Variants in IFNAR1 observed in about 807,000 individuals in gnomAD.
The protein encoded by IFNAR1 is interferon alpha/beta receptor 1.
In IFNAR1, 47 loss-of-function variants were observed where a neutral mutation model predicts 62.1. That is an observed-to-expected ratio of 0.76 (90% CI 0.60 to 0.97). The LOEUF (loss-of-function observed/expected upper bound fraction) is 0.97. IFNAR1 is among the 50% of genes least tolerant of loss of function. The pLI is 0.00. For synonymous variants in IFNAR1, 219 were observed against 226.9 expected (o/e 0.97, Z 0.31); for missense variants, 638 against 654.5 (o/e 0.97, Z 0.27).
chr21:33,347,409 C>T (rs1168284826), intron 6 of IFNAR1, among the ~76,000 whole-genome samples: 2 of 152,110 alleles, frequency 1.3e-5, no homozygotes, highest in Non-Finnish European at 2.9e-5. Flanking sequence ...GGATTATAGG[C>T]GTGAGGCACC....
Position 33,348,917 on chromosome 21 carries a change from T to C in IFNAR1, c.789-174T>C, listed in dbSNP as rs534149903. 2.2e-4 allele frequency among the ~76,000 whole-genome samples: 33 copies of C among 152,316 alleles called. 1 individual carries two copies. In the East Asian group the frequency reaches 6.2e-3, roughly 28 times the overall value. On this transcript the variant is annotated intron_variant, in intron 6 of 10. Transcript: ENST00000270139. ...CCAGCAGAGCACAACATGACCACAG[T>C]CTGGAACAGTCTTTGGTTTTCTTTT...
rs775455586 is a variant in IFNAR1, at chr21:33,341,148, T to C, written c.350T>C (p.Val117Ala). 1.2e-6 allele frequency: 2 copies of C among 1,612,088 alleles called. No individual in the cohort carries two copies. Among genetic ancestry groups the C allele is most frequent in the Non-Finnish European group, 1.7e-6 (2 of 1,179,152 alleles). ...GAAAACACTTCTTCATGGTATGAGG[T>C]TGACTCATTTACACCATTTCGCAAA... ...EKENTSSWYE[V>A]DSFTPFRKAQ... Residue 117 changes from valine (V) to alanine (A), a missense_variant, in exon 3 of 11, where the codon GTT (valine) becomes GCT (alanine). Physicochemically the swap from Val to Ala is moderately conservative, Grantham distance 64. Transcript: ENST00000270139.
intron 2 of IFNAR1, among the ~76,000 whole-genome samples, chr21:33,337,794 A>G (rs2083257445): frequency 6.6e-6 from 1 of 152,160 alleles, no homozygotes; most frequent in South Asian, 2.1e-4. Flanking sequence ...GTATATGTAT[A>G]TACACACACA....
At position 33,325,024 on chromosome 21, in the gene IFNAR1, A is replaced by G. The variant is rs766459162; in HGVS notation, c.-32A>G. 3 of 1,568,916 alleles carry G rather than the reference A, an allele frequency of 1.9e-6. No individual in the cohort carries two copies. Among genetic ancestry groups the G allele is most frequent in the South Asian group, 1.2e-5 (1 of 85,848 alleles). ...TGAGAGGAGCTGCGCGTGCGCGAAC[A>G]TGTAACTGGTGGGATCTGCGGCGGC... On this transcript the variant is annotated 5_prime_UTR_variant, in exon 1 of 11. The change abolishes an upstream ATG in the 5' untranslated region. Transcript: ENST00000270139.
chr21:33,354,079 A>G (rs2083425786), intron 10 of IFNAR1, among the ~76,000 whole-genome samples: 1 of 152,218 alleles, frequency 6.6e-6, no homozygotes, highest in South Asian at 2.1e-4. Flanking sequence ...GTGGTGGCTC[A>G]CGCCTGTAAT....
rs1448194251 is a variant in IFNAR1, at chr21:33,358,143, AGTGAACAAGC to A, written c.*2596_*2605del. ...CGCTTTAAGACCATCTGTGGTTTTC[AGTGAACAAGC>A]GCTGAGCACCAGCAGCAGAAAACAA... On this transcript the variant is annotated 3_prime_UTR_variant, in exon 11 of 11. Transcript: ENST00000270139. 2 of 152,256 alleles carry A rather than the reference AGTGAACAAGC, an allele frequency of 1.3e-5. No individual in the cohort carries two copies. The highest frequency in any genetic ancestry group is 2.9e-5 in the Non-Finnish European group (2 of 68,040). The allele number at this position is 152,256 out of a possible 1,614,324, so 9.4% of individuals were successfully genotyped here.
At chr21:33,331,952 T>C (rs767765814) in intron 1 of IFNAR1, among the ~76,000 whole-genome samples, 9 of 152,178 alleles carry the variant, frequency 5.9e-5, no homozygotes, top group Non-Finnish European at 1.2e-4. Flanking sequence ...CCTGGCTCTG[T>C]GAGCAACTAC....
intron 2 of IFNAR1, among the ~76,000 whole-genome samples, chr21:33,339,943 A>G (rs867192048): frequency 6.6e-6 from 1 of 151,362 alleles, no homozygotes; most frequent in Non-Finnish European, 1.5e-5. Context: ...AAAAAAAAAA[A>G]AAAAAAAGAA....
intron 3 of IFNAR1, among the ~76,000 whole-genome samples, chr21:33,341,473 GGAGTT>G (rs2083291817): frequency 6.6e-6 from 1 of 152,158 alleles, no homozygotes; most frequent in Non-Finnish European, 1.5e-5. Context: ...TATTCACAGT[GGAGTT>G]TTCCAGAGGA....
intron 8 of IFNAR1, 150 bp downstream of exon 8, chr21:33,349,693 G>A: frequency 1.7e-6 from 1 of 604,696 alleles, no homozygotes; most frequent in South Asian, 2.2e-5. Flanking sequence ...AGGAGGCCAA[G>A]GCGAGAGGAT....
chr21:33,334,520 T>C (rs2083214325), intron 1 of IFNAR1: 1 of 410,304 alleles, frequency 2.4e-6, no homozygotes, highest in East Asian at 5.9e-5. Flanking sequence ...TGTTCTTAGA[T>C]AGACAAAAGC....
rs912600286 is a variant in IFNAR1, at chr21:33,336,679, C to G, written c.200+1032C>G. ...GTCCATCGAAGACCTTGGAATAGGC[C>G]ACCAGGTTTCCTGTGATCAGGCTTT... On this transcript the variant is annotated intron_variant, in intron 2 of 10. Coordinates refer to ENST00000270139, the MANE Select transcript of IFNAR1 (RefSeq NM_000629.3). Among the ~76,000 whole-genome samples the G allele has an allele frequency of 2.0e-5, 3 of 152,080 alleles. No homozygotes were observed. The East Asian group carries it at 5.8e-4, about 29-fold the overall frequency.
chr21:33,333,685 G>A (rs974618965), intron 1 of IFNAR1, among the ~76,000 whole-genome samples: 6 of 142,716 alleles, frequency 4.2e-5, no homozygotes, highest in Non-Finnish European at 9.0e-5. Flanking sequence ...GTGCAGTGGC[G>A]CGATCTCGGC....
At chr21:33,328,822 C>T (rs2123653855) in intron 1 of IFNAR1, among the ~76,000 whole-genome samples, 1 of 152,034 alleles carries the variant, frequency 6.6e-6, no homozygotes, top group South Asian at 2.1e-4. Flanking sequence ...ATTATAAATG[C>T]ATTATATATA....
chr21:33,343,473 GAATT>G, intron 4 of IFNAR1, 51 bp downstream of exon 4: 1 of 1,562,030 alleles, frequency 6.4e-7, no homozygotes. Context: ...AAAATTAGGC[GAATT>G]AATCCTAAAA....
At chr21:33,353,221 A>G (rs1195774377) in intron 9 of IFNAR1, among the ~76,000 whole-genome samples, 1 of 152,254 alleles carries the variant, frequency 6.6e-6, no homozygotes, top group Admixed American at 6.5e-5. Flanking sequence ...TAACATAATT[A>G]TCATGTAGAA....
chr21:33,355,882 G>GGC lies in IFNAR1; in HGVS notation c.*340_*341dup. 1 of 160,052 alleles carries GGC rather than the reference G, an allele frequency of 6.2e-6. No individual in the cohort carries two copies. The highest frequency in any genetic ancestry group is 2.4e-5 in the African/African-American group (1 of 41,606). The allele number at this position is 160,052 out of a possible 1,614,324, so 9.9% of individuals were successfully genotyped here. On this transcript the variant is annotated 3_prime_UTR_variant, in exon 11 of 11. Coordinates refer to ENST00000270139, the MANE Select transcript of IFNAR1 (RefSeq NM_000629.3). ...AATACAAAAATTAGCCGGGTGTGGTGGCGCGCGCCTGTTGTCTTAGCTACT... is the reference window on the plus strand; with the variant it reads ...AATACAAAAATTAGCCGGGTGTGGTGGCGCGCGCGCCTGTTGTCTTAGCTACT...
intron 9 of IFNAR1, 122 bp from the exon 10 acceptor site, chr21:33,353,500 TGCCAGAAATATTTTTA>T: frequency 1.9e-6 from 1 of 538,076 alleles, no homozygotes; most frequent in South Asian, 2.8e-5. Flanking sequence ...GACTCAGTGC[TGCCAGAAATATTTTTA>T]AGAGTATTAT....
At chr21:33,335,706 CA>C (rs1423154523) in intron 2 of IFNAR1, 59 bp downstream of exon 2, 4 of 1,299,596 alleles carry the variant, frequency 3.1e-6, no homozygotes, top group Non-Finnish European at 4.2e-6. Flanking sequence ...ACAAGTTTAA[CA>C]ACACCATAAT....
Sources: allele counts gnomAD v4.1 joint callset (sites outside exome capture counted in the v4.1 genomes callset), GRCh38; gene constraint gnomAD v4.1.1; transcripts MANE v1.5; gene names NCBI Gene and HGNC (gene_info 2026-07-23, HGNC 2026-07-21).